The following FRY variants were observed in gnomAD, a reference collection of about 807,000 sequenced individuals.
FRY encodes the protein FRY microtubule binding protein.
In FRY, 128 loss-of-function variants were observed where a neutral mutation model predicts 348.4. The ratio of observed to expected loss-of-function variants is 0.37; its 90% CI spans 0.32 to 0.43. The LOEUF (loss-of-function observed/expected upper bound fraction) is 0.43, where lower values mean the gene tolerates loss of function less well. Ranked by LOEUF, FRY falls within the 20% of genes least tolerant of loss-of-function variation. The pLI, the probability that FRY is intolerant of heterozygous loss-of-function variation, is 1.00. For missense variants in FRY, 2,736 were observed against 3,695.2 expected (o/e 0.74, Z 6.73); for synonymous variants, 1,370 against 1,374.7 (o/e 1.00, Z 0.08).
At chr13:32,217,954 G>C (rs1201586634) in intron 35 of FRY, among the ~76,000 whole-genome samples, 2 of 152,104 alleles carry the variant, frequency 1.3e-5, no homozygotes, top group African/African-American at 4.8e-5. Flanking sequence ...TCCCCAACTA[G>C]GACCTTTCCC....
At chr13:32,150,992 A>AG (rs1213851663) in intron 14 of FRY, among the ~76,000 whole-genome samples, 1 of 152,136 alleles carries the variant, frequency 6.6e-6, no homozygotes, top group African/African-American at 2.4e-5. Flanking sequence ...GGCCAATGGG[A>AG]GGGGGCAGGG....
At chr13:32,261,554 G>T (rs780285084) in intron 51 of FRY, 62 bp from the exon 52 acceptor site, 2 of 1,275,112 alleles carry the variant, frequency 1.6e-6, no homozygotes, top group Non-Finnish European at 2.3e-6. Flanking sequence ...CTAATTGAAT[G>T]TGTGAACATG....
intron 17 of FRY, among the ~76,000 whole-genome samples, chr13:32,164,243 T>C (rs1881606304): frequency 6.6e-6 from 1 of 152,246 alleles, no homozygotes; most frequent in South Asian, 2.1e-4. Flanking sequence ...CGGATTCAAT[T>C]GACCTGAGAT....
At chr13:32,079,098 AAACACTAT>A in intron 2 of FRY, 65 bp downstream of exon 2, 1 of 1,062,996 alleles carries the variant, frequency 9.4e-7, no homozygotes, top group South Asian at 1.2e-5. Context: ...TACTAGATTT[AAACACTAT>A]AACAAAAGAT....
chr13:32,115,662 T>C (rs1417156985), intron 3 of FRY, among the ~76,000 whole-genome samples: 2 of 152,172 alleles, frequency 1.3e-5, no homozygotes, highest in Non-Finnish European at 2.9e-5. Flanking sequence ...TATACCTTCA[T>C]TACTAAAGGC....
In FRY at chr13:32,147,138, G is replaced by A. The variant is rs923158165; in HGVS notation, c.1180-144G>A. On this transcript the variant is annotated intron_variant, in intron 11 of 60. Coordinates refer to ENST00000542859, the MANE Select transcript of FRY (RefSeq NM_023037.3). ...GCATTGAGAGGCCAATACTCTGTAA[G>A]TCCCAGGTGATGCAATGTGTCTCAT... 91 of 644,288 alleles carry A rather than the reference G, an allele frequency of 1.4e-4. No individual in the cohort carries two copies. The South Asian group carries it at 1.4e-3, about 10-fold the overall frequency. 39.9% of individuals were successfully genotyped at this position (644,288 alleles called of 1,614,324 possible).
intron 3 of FRY, among the ~76,000 whole-genome samples, chr13:32,110,730 C>T (rs1877898752): frequency 6.6e-6 from 1 of 152,156 alleles, no homozygotes; most frequent in South Asian, 2.1e-4. Context: ...ATGATATAAA[C>T]ATACAATGTG....
chr13:32,171,238 T>G lies in FRY; in HGVS notation c.2119T>G (p.Tyr707Asp). 1 of 1,612,178 alleles carries G rather than the reference T, an allele frequency of 6.2e-7. No individual in the cohort carries two copies. Residue 707 changes from tyrosine (Y) to aspartate (D), a missense_variant, in exon 18 of 61, where the codon TAT becomes GAT. This residue lies in a region of FRY where 449 missense variants were observed against 576.9 expected (regional missense o/e 0.78). Coordinates refer to ENST00000542859, the MANE Select transcript of FRY (RefSeq NM_023037.3). ...KLVIQTQGKV[Y>D]EQANKIRNSE... ...AGTCATCCAGACACAAGGAAAAGTC[T>G]ATGAACAAGCCAACAAAATCAGAAA...
At chr13:32,088,555 A>G (rs1876041835) in intron 2 of FRY, among the ~76,000 whole-genome samples, 1 of 152,218 alleles carries the variant, frequency 6.6e-6, no homozygotes, top group Non-Finnish European at 1.5e-5. Flanking sequence ...AGATGAGCTC[A>G]TAAGTTTGTT....
At chr13:32,126,533 G>A (rs1879030139) in intron 7 of FRY, among the ~76,000 whole-genome samples, 1 of 152,192 alleles carries the variant, frequency 6.6e-6, no homozygotes, top group South Asian at 2.1e-4. Context: ...TTCTGCGGTA[G>A]TAGGGTGTAA....
At position 32,240,480 on chromosome 13, in the gene FRY, G is replaced by A. The variant is rs1566160408; in HGVS notation, c.6687+599G>A. Among the ~76,000 whole-genome samples the A allele has an allele frequency of 2.6e-5, 4 of 152,134 alleles. No individual in the cohort carries two copies. In the South Asian group the frequency reaches 8.3e-4, roughly 32 times the overall value. On this transcript the variant is annotated intron_variant, in intron 46 of 60. Transcript: ENST00000542859. ...ACATTCTGAAATAAACTTTATTCTCGCCTTTTATGTTTGTTTTTAAAACTG... is the reference window on the plus strand; with the variant it reads ...ACATTCTGAAATAAACTTTATTCTCACCTTTTATGTTTGTTTTTAAAACTG...
At chr13:32,084,661 A>G (rs1415111892) in intron 2 of FRY, among the ~76,000 whole-genome samples, 1 of 152,236 alleles carries the variant, frequency 6.6e-6, no homozygotes, top group Admixed American at 6.5e-5. Flanking sequence ...AATTACAGTA[A>G]TTAGTATAGA....
At chr13:32,149,894 C>T in intron 14 of FRY, 60 bp downstream of exon 14, 11 of 1,018,006 alleles carry the variant, frequency 1.1e-5, no homozygotes, top group South Asian at 9.0e-5. Flanking sequence ...CATACCTTTG[C>T]TTTGCGGCTT....
intron 11 of FRY, among the ~76,000 whole-genome samples, chr13:32,138,458 T>G (rs1294027191): frequency 6.6e-6 from 1 of 152,174 alleles, no homozygotes; most frequent in Non-Finnish European, 1.5e-5. Context: ...TTTTGAAACA[T>G]AGCAGATCAT....
intron 14 of FRY, among the ~76,000 whole-genome samples, chr13:32,150,725 TCTATATTATCA>T (rs1880739713): frequency 6.6e-6 from 1 of 152,204 alleles, no homozygotes; most frequent in South Asian, 2.1e-4. Context: ...TCCTGTCATC[TCTATATTATCA>T]CCTGGCTCCT....
Position 32,276,537 on chromosome 13 carries a change from A to G in FRY, c.8360A>G (p.Asn2787Ser). ...CTGCAAGAATATTTGGATACCTACA[A>G]CAACAGGAAAGAGGCCACACTCTCT... The part of the protein sequence containing the change: ...LELQEYLDTY[N>S]NRKEATLSWL... The change falls in exon 57 of 61, where the codon AAC becomes AGC. Residue 2787 changes from asparagine (N) to serine (S), a missense_variant. Around this residue, in one of 9 missense-constraint regions of FRY, gnomAD observed 789 missense variants for 996.2 expected, o/e 0.79. Coordinates refer to ENST00000542859, the MANE Select transcript of FRY (RefSeq NM_023037.3). The G allele has an allele frequency of 2.5e-6, 4 of 1,594,030 alleles. No homozygotes were observed. Among genetic ancestry groups the G allele is most frequent in the Non-Finnish European group, 3.4e-6 (4 of 1,161,690 alleles).
chr13:32,103,449 T>G (rs1877298729), intron 3 of FRY, among the ~76,000 whole-genome samples: 1 of 152,132 alleles, frequency 6.6e-6, no homozygotes, highest in Non-Finnish European at 1.5e-5. Context: ...AGGTAGGAAT[T>G]GAACAATGAG....
At chr13:32,122,736 G>A (rs1254023652) in intron 4 of FRY, among the ~76,000 whole-genome samples, 1 of 152,116 alleles carries the variant, frequency 6.6e-6, no homozygotes, top group African/African-American at 2.4e-5. Flanking sequence ...AAGTAAAGAA[G>A]AAGTCAAACT....
rs201133560 is a variant in FRY, at chr13:32,178,402, C to G, written c.2647C>G (p.Arg883Gly). 533 of 1,614,008 alleles carry G rather than the reference C, an allele frequency of 3.3e-4. No individual in the cohort carries two copies. Among genetic ancestry groups the G allele is most frequent in the Non-Finnish European group, 4.3e-4 (512 of 1,179,978 alleles). Residue 883 changes from arginine to glycine, a missense_variant, in exon 21 of 61, where the codon CGG becomes GGG. Coordinates refer to ENST00000542859, the MANE Select transcript of FRY (RefSeq NM_023037.3). ...LSYAWPYAFT[R>G]LQSVMPLVDP... The stretch of plus-strand genomic sequence containing the variant: ...CTATGCCTGGCCTTATGCCTTCACT[C>G]GGCTCCAGTCGGTGATGCCTCTGGT...
Sources: gnomAD v4.1 joint callset for allele counts (sites outside exome capture counted in the v4.1 genomes callset) on GRCh38, gnomAD v4.1.1 for gene constraint, gnomAD v4.1.1 regional missense constraint, MANE v1.5 for transcripts, NCBI Gene and HGNC (gene_info 2026-07-23, HGNC 2026-07-21) for gene names.